Variants in TRIP12 observed in about 807,000 individuals in gnomAD.
TRIP12 encodes the protein thyroid hormone receptor interactor 12.
A neutral mutation model predicts 244.2 loss-of-function variants in TRIP12; 25 were observed. The ratio of observed to expected loss-of-function variants is 0.10; its 90% CI spans 0.07 to 0.14. The LOEUF (loss-of-function observed/expected upper bound fraction) is 0.14, where lower values mean the gene tolerates loss of function less well. Among genes scored for constraint, TRIP12 ranks in the 10% least tolerant of loss-of-function variants. The pLI is 1.00. For synonymous variants in TRIP12, 905 were observed against 873.1 expected, an observed-to-expected ratio of 1.04 and a Z score of -0.64; for missense variants, 1,677 against 2,486.4, an observed-to-expected ratio of 0.67 and a Z score of 6.92.
At chr2:229,802,155 T>C in intron 21 of TRIP12, 97 bp downstream of exon 21, 2 of 845,482 alleles carry the variant, frequency 2.4e-6, no homozygotes. Flanking sequence ...AATATATATA[T>C]GCTAATATGT....
Position 229,811,215 on chromosome 2 carries a change from A to C in TRIP12, c.1987-11T>G, listed in dbSNP as rs372138751. 5.4e-5 allele frequency: 86 copies of C among 1,606,350 alleles called. No homozygotes were observed. Among genetic ancestry groups the C allele is most frequent in the Non-Finnish European group, 7.0e-5 (82 of 1,175,732 alleles). ...TACTGACTTTTTATCCTATTTTTTT[A>C]ATAAAGGAAAATAAAATTTATTAGC... On this transcript the variant is annotated splice_polypyrimidine_tract_variant and intron_variant, in intron 13 of 41. Transcript: ENST00000675903.
At chr2:229,917,343 T>G (rs1457718514) in intron 1 of TRIP12, among the ~76,000 whole-genome samples, 1 of 116,272 alleles carries the variant, frequency 8.6e-6, no homozygotes, top group East Asian at 2.8e-4. Context: ...ATCGCGCCAT[T>G]GCACTCCACC....
intron 33 of TRIP12, 102 bp downstream of exon 33, chr2:229,787,403 G>T: frequency 8.2e-7 from 1 of 1,215,808 alleles, no homozygotes; most frequent in Non-Finnish European, 1.1e-6. Flanking sequence ...ATATGACCAA[G>T]GCCTCCAAGA....
intron 6 of TRIP12, among the ~76,000 whole-genome samples, chr2:229,832,784 A>C (rs2053785609): frequency 1.3e-5 from 2 of 152,242 alleles, no homozygotes; most frequent in Non-Finnish European, 2.9e-5. Flanking sequence ...ATTCTTTAGC[A>C]GTGATTTTTA....
chr2:229,922,531 G>A (rs1368514340), upstream of TRIP12: 9 of 1,613,894 alleles, frequency 5.6e-6, no homozygotes, highest in Admixed American at 1.7e-5. Flanking sequence ...CGTGGCTGCC[G>A]GAGACTCTCT....
intron 34 of TRIP12, among the ~76,000 whole-genome samples, chr2:229,783,810 T>TA (rs554779208): frequency 0.2 from 25,381 of 125,160 alleles, 2,460 homozygotes; most frequent in Admixed American, 0.25. Flanking sequence ...AACCATCTTT[T>TA]AAAAAAAAAA....
chr2:229,875,472 T>C (rs1576474659), intron 2 of TRIP12, among the ~76,000 whole-genome samples: 3 of 152,194 alleles, frequency 2.0e-5, no homozygotes, highest in Admixed American at 2.0e-4. Flanking sequence ...CTAAAGTTTA[T>C]ACCCTCTTCT....
At position 229,804,158 on chromosome 2, in the gene TRIP12, T is replaced by G. The variant is rs2045217809; in HGVS notation, c.2720A>C (p.Lys907Thr). Residue 907 changes from lysine to threonine, a missense_variant, in exon 19 of 42, where the codon AAG (lysine) becomes ACG (threonine). Lys to Thr is a moderately conservative substitution (Grantham distance 78). Coordinates refer to ENST00000675903, the MANE Select transcript of TRIP12 (RefSeq NM_001348323.3). ...ACCAAATAATGTCTTAATAAAAGAC[T>G]TAGCCAGTTCCGGATCCTCTTTCAT... Reference protein sequence around the residue: ...QLMKEDPELAKSFIKTLFGVL... With the variant: ...QLMKEDPELATSFIKTLFGVL... The G allele has an allele frequency of 1.2e-6, 2 of 1,614,152 alleles. No homozygotes were observed. The highest frequency in any genetic ancestry group is 1.7e-6 in the Non-Finnish European group (2 of 1,180,014).
At chr2:229,838,132 G>T (rs991565623) in intron 5 of TRIP12, among the ~76,000 whole-genome samples, 4 of 151,732 alleles carry the variant, frequency 2.6e-5, no homozygotes, top group African/African-American at 9.7e-5. Context: ...GAAGGCTCTG[G>T]CTTACCTGAG....
chr2:229,845,973 C>A (rs887912003), intron 4 of TRIP12, among the ~76,000 whole-genome samples: 1 of 140,260 alleles, frequency 7.1e-6, no homozygotes, highest in Admixed American at 7.6e-5. Context: ...CACACCACTG[C>A]GTTCCAGCCT....
chr2:229,842,208 G>T (rs2056589169), intron 4 of TRIP12, among the ~76,000 whole-genome samples: 2 of 152,180 alleles, frequency 1.3e-5, no homozygotes, highest in Non-Finnish European at 2.9e-5. Context: ...ATTGGGAAAA[G>T]ATGATTGGCT....
intron 2 of TRIP12, among the ~76,000 whole-genome samples, chr2:229,861,167 T>C (rs759163186): frequency 6.6e-6 from 1 of 152,150 alleles, no homozygotes; most frequent in Admixed American, 6.5e-5. Flanking sequence ...CCTGGAGAAA[T>C]ATGGAATTTA....
upstream of TRIP12, chr2:229,922,632 C>G (rs1439945501): frequency 6.2e-7 from 1 of 1,612,082 alleles, no homozygotes; most frequent in Non-Finnish European, 8.5e-7. Flanking sequence ...CGCGGTTTAC[C>G]CTCTCTCCTA....
chr2:229,883,493 T>C (rs1051146768), intron 1 of TRIP12, among the ~76,000 whole-genome samples: 2 of 152,340 alleles, frequency 1.3e-5, no homozygotes, highest in East Asian at 3.9e-4. Context: ...AGATTCCATC[T>C]TAACAGATTA....
At chr2:229,799,257 C>G (rs1453782567) in intron 22 of TRIP12, 26 bp downstream of exon 22, 1 of 1,609,378 alleles carries the variant, frequency 6.2e-7, no homozygotes, top group Non-Finnish European at 8.5e-7. Context: ...CCCTTTACCT[C>G]CCCATAGTTT....
At chr2:229,802,171 T>C (rs1338969293) in intron 21 of TRIP12, 81 bp downstream of exon 21, 2 of 1,095,548 alleles carry the variant, frequency 1.8e-6, no homozygotes, top group Admixed American at 6.1e-5. Flanking sequence ...TATGTTACCA[T>C]TTTACTCCCT....
chr2:229,870,095 C>T (rs1379200915), intron 2 of TRIP12, among the ~76,000 whole-genome samples: 1 of 152,174 alleles, frequency 6.6e-6, no homozygotes, highest in Non-Finnish European at 1.5e-5. Context: ...GAATAGCTAA[C>T]AGGATCAGAG....
chr2:229,854,614 T>C (rs1308743295), intron 4 of TRIP12, among the ~76,000 whole-genome samples: 3 of 152,238 alleles, frequency 2.0e-5, no homozygotes, highest in Admixed American at 2.0e-4. Flanking sequence ...CATTTTTGGC[T>C]CTACTCCTCA....
At chr2:229,890,549 G>A (rs1414312742) in intron 1 of TRIP12, among the ~76,000 whole-genome samples, 2 of 152,150 alleles carry the variant, frequency 1.3e-5, no homozygotes, top group Non-Finnish European at 2.9e-5. Flanking sequence ...GCTACAACCT[G>A]GGGAACTGTC....
Sources: gnomAD v4.1 joint callset for allele counts (sites outside exome capture counted in the v4.1 genomes callset) on GRCh38, gnomAD v4.1.1 for gene constraint, MANE v1.5 for transcripts, NCBI Gene and HGNC (gene_info 2026-07-23, HGNC 2026-07-21) for gene names.